The following XKR9 variants were observed in gnomAD, a reference collection of about 807,000 sequenced individuals.
XKR9 encodes XK related 9.
In XKR9, 32 loss-of-function variants were observed where a neutral mutation model predicts 32.0. The observed-to-expected ratio is 1.00, with a 90% CI of 0.76 to 1.34. The LOEUF is 1.34. XKR9 is among the 40% of genes most tolerant of loss of function. The pLI is 0.00. For missense variants in XKR9, 546 were observed against 429.7 expected (o/e 1.27, Z -2.39); for synonymous variants, 168 against 143.4 (o/e 1.17, Z -1.22).
intron 4 of XKR9, among the ~76,000 whole-genome samples, chr8:70,717,742 C>T (rs539740722): frequency 7.9e-5 from 12 of 152,158 alleles, no homozygotes; most frequent in Non-Finnish European, 1.0e-4. Flanking sequence ...CATTCGACTG[C>T]GTAATACTTA....
intron 3 of XKR9, among the ~76,000 whole-genome samples, chr8:70,701,070 T>G (rs542857879): frequency 9.4e-4 from 143 of 152,262 alleles, no homozygotes; most frequent in African/African-American, 3.3e-3. Context: ...AGTGACCCGA[T>G]TTTCCAGGTG....
chr8:70,949,676 T>C, the XKR9 span, among the ~76,000 whole-genome samples: 1 of 151,870 alleles, frequency 6.6e-6, no homozygotes, highest in Non-Finnish European at 1.5e-5. Context: ...TTTGCAAATA[T>C]ACTCCAGTAG....
the XKR9 span, among the ~76,000 whole-genome samples, chr8:71,032,956 C>G: frequency 1.3e-5 from 2 of 151,882 alleles, no homozygotes; most frequent in Non-Finnish European, 2.9e-5. Context: ...TGGTGGTGGG[C>G]ACCTGTAATC....
chr8:71,011,959 G>C, the XKR9 span, among the ~76,000 whole-genome samples: 11 of 152,066 alleles, frequency 7.2e-5, no homozygotes, highest in South Asian at 2.1e-3. Context: ...ATATACACTT[G>C]CTTTCATCTC....
chr8:70,852,419 C>T, the XKR9 span, among the ~76,000 whole-genome samples: 1 of 151,972 alleles, frequency 6.6e-6, no homozygotes, highest in Non-Finnish European at 1.5e-5. Context: ...GATATATACC[C>T]AGCAATCCCA....
intron 2 of XKR9, 58 bp downstream of exon 2, chr8:70,674,957 T>C (rs894212515): frequency 6.6e-5 from 10 of 152,258 alleles, no homozygotes; most frequent in African/African-American, 2.4e-4. Flanking sequence ...TTCCTAGTTT[T>C]AATTTCTTTA....
intron 2 of XKR9, among the ~76,000 whole-genome samples, chr8:70,764,921 T>C (rs1807354923): frequency 6.6e-6 from 1 of 152,254 alleles, no homozygotes; most frequent in African/African-American, 2.4e-5. Context: ...AGACATGAAC[T>C]CATTCTTTTT....
the XKR9 span, among the ~76,000 whole-genome samples, chr8:70,906,033 G>T: frequency 6.6e-6 from 1 of 152,192 alleles, no homozygotes; most frequent in Non-Finnish European, 1.5e-5. Flanking sequence ...GTGTCAGTCG[G>T]CCACTACTGG....
chr8:70,755,015 C>G (rs536982976), intron 2 of XKR9, among the ~76,000 whole-genome samples: 1,594 of 152,012 alleles, frequency 0.01, 27 homozygotes, highest in African/African-American at 0.036. Context: ...ACCTACTCAT[C>G]TGACAAAGGG....
At chr8:71,053,305 T>G in the XKR9 span, among the ~76,000 whole-genome samples, 1 of 152,128 alleles carries the variant, frequency 6.6e-6, no homozygotes, top group Non-Finnish European at 1.5e-5. Flanking sequence ...GGAGTAGAGA[T>G]TCTAAAACCC....
chr8:71,019,317 C>A, the XKR9 span, among the ~76,000 whole-genome samples: 879 of 152,204 alleles, frequency 5.8e-3, 14 homozygotes, highest in African/African-American at 0.02. Context: ...AGAAAAAGAG[C>A]CTGCAATGGA....
the XKR9 span, among the ~76,000 whole-genome samples, chr8:70,800,987 T>G: frequency 2.0e-5 from 3 of 151,950 alleles, no homozygotes; most frequent in East Asian, 5.8e-4. Context: ...CTAAGGTTTT[T>G]TTTTTTTTTT....
intron 2 of XKR9, among the ~76,000 whole-genome samples, chr8:70,777,456 C>A (rs536457313): frequency 6.6e-6 from 1 of 152,090 alleles, no homozygotes; most frequent in Non-Finnish European, 1.5e-5. Flanking sequence ...ATTTATAATC[C>A]TTTGGGTATA....
the XKR9 span, among the ~76,000 whole-genome samples, chr8:70,941,722 G>A: frequency 6.6e-6 from 1 of 152,120 alleles, no homozygotes; most frequent in African/African-American, 2.4e-5. Flanking sequence ...AATTATGGGA[G>A]TAATTATAAA....
At chr8:70,847,584 A>C in the XKR9 span, among the ~76,000 whole-genome samples, 1 of 151,940 alleles carries the variant, frequency 6.6e-6, no homozygotes, top group Non-Finnish European at 1.5e-5. Context: ...TGGATAGACT[A>C]ATAAGAAAAA....
the XKR9 span, among the ~76,000 whole-genome samples, chr8:70,975,374 G>A: frequency 6.6e-6 from 1 of 152,188 alleles, no homozygotes; most frequent in Non-Finnish European, 1.5e-5. Flanking sequence ...CATGGTTTTA[G>A]GTCTAACATT....
At chr8:70,808,097 C>T in the XKR9 span, among the ~76,000 whole-genome samples, 1 of 152,102 alleles carries the variant, frequency 6.6e-6, no homozygotes, top group African/African-American at 2.4e-5. Context: ...CAAATTAGAA[C>T]TCAGCATTAA....
intron 4 of XKR9, among the ~76,000 whole-genome samples, chr8:70,708,207 A>G (rs909695898): frequency 3.3e-5 from 5 of 152,052 alleles, no homozygotes; most frequent in African/African-American, 9.7e-5. Context: ...TGGGTTCTAT[A>G]TGATACGGAA....
At chr8:71,005,981 T>G in the XKR9 span, among the ~76,000 whole-genome samples, 1 of 152,264 alleles carries the variant, frequency 6.6e-6, no homozygotes, top group African/African-American at 2.4e-5. Flanking sequence ...GAGTTTGGGA[T>G]GACACATCCT....
Sources: gnomAD v4.1 joint callset for allele counts (sites outside exome capture counted in the v4.1 genomes callset) on GRCh38, gnomAD v4.1.1 for gene constraint, MANE v1.5 for transcripts, NCBI Gene and HGNC (gene_info 2026-07-23, HGNC 2026-07-21) for gene names.